The following RAP1GAP2 variants were observed in gnomAD, a reference collection of about 807,000 sequenced individuals.
The protein encoded by RAP1GAP2 is RAP1 GTPase activating protein 2.
A neutral mutation model predicts 95.0 loss-of-function variants in RAP1GAP2; 27 were observed. The ratio of observed to expected loss-of-function variants is 0.28; its 90% CI spans 0.21 to 0.39. The LOEUF (loss-of-function observed/expected upper bound fraction) is 0.39, where lower values mean the gene tolerates loss of function less well. Among genes scored for constraint, RAP1GAP2 ranks in the 10% least tolerant of loss-of-function variants. The pLI, the probability that RAP1GAP2 is intolerant of heterozygous loss-of-function variation, is 1.00. For synonymous variants in RAP1GAP2, 373 were observed against 380.9 expected (o/e 0.98, Z 0.24); for missense variants, 771 against 970.0 (o/e 0.79, Z 2.72).
At chr17:2,891,814 CTTTTT>C (rs917540694) in intron 2 of RAP1GAP2, among the ~76,000 whole-genome samples, 3 of 54,286 alleles carry the variant, frequency 5.5e-5, no homozygotes, top group African/African-American at 1.4e-4. Context: ...TATTTCTTTT[CTTTTT>C]TTTTTTTTTT....
upstream of RAP1GAP2, among the ~76,000 whole-genome samples, chr17:2,793,748 C>T (rs1460405696): frequency 3.3e-5 from 5 of 152,226 alleles, no homozygotes; most frequent in Non-Finnish European, 7.3e-5. Flanking sequence ...CTCTCCTATA[C>T]CCGGGGTCAG....
intron 10 of RAP1GAP2, among the ~76,000 whole-genome samples, chr17:2,983,019 G>A (rs1290561459): frequency 2.6e-5 from 4 of 152,232 alleles, no homozygotes; most frequent in African/African-American, 9.6e-5. Context: ...GACTCACCCA[G>A]GCAGGAGTGG....
chr17:3,003,925 C>A lies in RAP1GAP2; in HGVS notation c.1201-1444C>A, dbSNP rs998342941. On this transcript the variant is annotated intron_variant, in intron 14 of 24. Coordinates refer to ENST00000254695, the MANE Select transcript of RAP1GAP2 (RefSeq NM_015085.5). The surrounding 1 kb of genome is among the most constrained non-coding windows in gnomAD (Gnocchi z 4.1). The stretch of plus-strand genomic sequence containing the variant: ...AGGGCTCTGCTGTGGGACTGTCCAG[C>A]TGGAGGGTTGGATGGACTTGAGGAT... Among the ~76,000 whole-genome samples, 3 of 152,102 alleles carry A rather than the reference C, an allele frequency of 2.0e-5. No individual in the cohort carries two copies. The highest frequency in any genetic ancestry group is 4.4e-5 in the Non-Finnish European group (3 of 68,014).
At chr17:3,017,394 G>A (rs1018181785) in intron 17 of RAP1GAP2, among the ~76,000 whole-genome samples, 1 of 151,992 alleles carries the variant, frequency 6.6e-6, no homozygotes, top group South Asian at 2.1e-4. Context: ...ACCAGGGGCC[G>A]TAACAAAGGC....
chr17:2,995,800 G>A (rs985427798), intron 13 of RAP1GAP2, among the ~76,000 whole-genome samples: 8 of 151,032 alleles, frequency 5.3e-5, no homozygotes, highest in East Asian at 1.9e-4. Context: ...CGTTTATCAG[G>A]GGCAGAGCCC....
intron 2 of RAP1GAP2, among the ~76,000 whole-genome samples, chr17:2,878,865 G>A (rs986393199): frequency 3.3e-5 from 5 of 152,246 alleles, no homozygotes; most frequent in African/African-American, 1.2e-4. Context: ...GCAAGGTGCT[G>A]CAGCTTGCTG....
At chr17:2,860,707 G>A (rs1172151867) in intron 2 of RAP1GAP2, among the ~76,000 whole-genome samples, 2 of 145,624 alleles carry the variant, frequency 1.4e-5, no homozygotes, top group African/African-American at 5.1e-5. Flanking sequence ...GGGTTCAAGC[G>A]ATTCTCCTGC....
At chr17:2,907,332 A>G (rs1353849292) in intron 3 of RAP1GAP2, among the ~76,000 whole-genome samples, 3 of 152,180 alleles carry the variant, frequency 2.0e-5, no homozygotes, top group African/African-American at 7.2e-5. Flanking sequence ...GGGGCAGGCA[A>G]GACCCACAGC....
intron 4 of RAP1GAP2, among the ~76,000 whole-genome samples, chr17:2,959,919 G>T (rs556753105): frequency 6.6e-6 from 1 of 152,212 alleles, no homozygotes; most frequent in Non-Finnish European, 1.5e-5. Context: ...GAGGTCAGGA[G>T]TTCGAGACCA....
intron 3 of RAP1GAP2, among the ~76,000 whole-genome samples, chr17:2,945,554 A>G (rs2043670507): frequency 6.7e-6 from 1 of 149,616 alleles, no homozygotes; most frequent in African/African-American, 2.4e-5. Flanking sequence ...TTGCTACTTC[A>G]TCTTAAGGGG....
intron 2 of RAP1GAP2, among the ~76,000 whole-genome samples, chr17:2,848,766 G>A (rs1339901850): frequency 6.6e-6 from 1 of 152,090 alleles, no homozygotes; most frequent in African/African-American, 2.4e-5. Context: ...CGCCTGCCAC[G>A]GCCTTCCAAA....
intron 3 of RAP1GAP2, among the ~76,000 whole-genome samples, chr17:2,937,886 C>T (rs2043351563): frequency 1.3e-5 from 2 of 152,122 alleles, no homozygotes; most frequent in Non-Finnish European, 2.9e-5. Flanking sequence ...TGCCTGGCCT[C>T]GATTAAGCTG....
At chr17:2,934,188 A>G (rs1255300537) in intron 3 of RAP1GAP2, among the ~76,000 whole-genome samples, 1 of 152,102 alleles carries the variant, frequency 6.6e-6, no homozygotes, top group African/African-American at 2.4e-5. Context: ...CTGGAGTGCA[A>G]TGGCACGATC....
chr17:2,964,494 C>G (rs73296653), intron 7 of RAP1GAP2: 2,524 of 201,932 alleles, frequency 0.012, 78 homozygotes, highest in African/African-American at 0.056. Flanking sequence ...GGTCTGAGGG[C>G]CTCTGTCCTG....
At chr17:3,011,502 G>A (rs114124043) in intron 17 of RAP1GAP2, among the ~76,000 whole-genome samples, 1,618 of 152,038 alleles carry the variant, frequency 0.011, 26 homozygotes, top group African/African-American at 0.036. Context: ...TCAACAGGAC[G>A]TTGCTTAGGG....
intron 2 of RAP1GAP2, among the ~76,000 whole-genome samples, chr17:2,865,891 G>A (rs1451578624): frequency 6.6e-6 from 1 of 152,248 alleles, no homozygotes; most frequent in Non-Finnish European, 1.5e-5. Flanking sequence ...GCAAATGCAA[G>A]CTGCAGTCCC....
chr17:2,905,450 C>T (rs2042169140), intron 3 of RAP1GAP2, 82 bp downstream of exon 3: 7 of 1,379,478 alleles, frequency 5.1e-6, no homozygotes, highest in African/African-American at 1.4e-5. Flanking sequence ...GGCTCCAGGC[C>T]CAGCAGCGTC....
intron 19 of RAP1GAP2, 62 bp from the exon 20 acceptor site, chr17:3,025,946 G>C: frequency 7.9e-7 from 1 of 1,269,772 alleles, no homozygotes; most frequent in Non-Finnish European, 1.1e-6. Flanking sequence ...GCCTGGGGCC[G>C]TGGATGGGGT....
intron 8 of RAP1GAP2, among the ~76,000 whole-genome samples, chr17:2,969,319 A>G (rs979421179): frequency 2.0e-5 from 3 of 151,900 alleles, no homozygotes; most frequent in South Asian, 2.1e-4. Flanking sequence ...GACCTGCTAC[A>G]TCAGAATCAT....
Sources: gnomAD v4.1 joint callset for allele counts (sites outside exome capture counted in the v4.1 genomes callset) on GRCh38, gnomAD v4.1.1 for gene constraint, Gnocchi (gnomAD v3.1) non-coding constraint, MANE v1.5 for transcripts, NCBI Gene and HGNC (gene_info 2026-07-23, HGNC 2026-07-21) for gene names.